B3GALT1: variants seen among roughly 807,000 people sequenced by gnomAD.
B3GALT1 encodes UDP-Gal:betaGlcNAc beta 1,3-galactosyltransferase, polypeptide 1.
In B3GALT1, 10 loss-of-function variants were observed where a neutral mutation model predicts 23.2. The ratio of observed to expected loss-of-function variants is 0.43; its 90% CI spans 0.27 to 0.73. B3GALT1 has a LOEUF of 0.73. B3GALT1 is among the 30% of genes least tolerant of loss of function. B3GALT1 has a pLI of 0.21. For missense variants in B3GALT1, 299 were observed against 405.4 expected (o/e 0.74, Z 2.25); for synonymous variants, 156 against 141.5 (o/e 1.10, Z -0.73).
intron 3 of B3GALT1, among the ~76,000 whole-genome samples, chr2:167,802,441 T>C (rs1048834864): frequency 2.6e-5 from 4 of 152,218 alleles, no homozygotes; most frequent in African/African-American, 4.8e-5. Flanking sequence ...AATATTTGAA[T>C]GCATGATTGT....
intron 3 of B3GALT1, among the ~76,000 whole-genome samples, chr2:167,782,453 G>A (rs147419432): frequency 1.6e-4 from 25 of 152,294 alleles, no homozygotes; most frequent in African/African-American, 6.0e-4. Context: ...AGAAATGTCA[G>A]CATCTGTCTG....
In B3GALT1 at chr2:167,779,150, T is replaced by TCTTCACCCATTCGTAGAATGTTACTA. The variant is rs58696482; in HGVS notation, c.-351-39521_-351-39520insTTCACCCATTCGTAGAATGTTACTAC. Among the ~76,000 whole-genome samples the TCTTCACCCATTCGTAGAATGTTACTA allele has an allele frequency of 4.6e-5, 7 of 152,028 alleles. No homozygotes were observed. The East Asian group carries it at 9.6e-4, about 21-fold the overall frequency. ...CATCTTTCTTTCATTCACTCACTTT[T>TCTTCACCCATTCGTAGAATGTTACTA]CATATATGCCAGATGTAAGTGAAGT... On this transcript the variant is annotated intron_variant, in intron 3 of 4. Transcript: ENST00000392690.
At chr2:167,633,858 A>G (rs2105449525) in intron 2 of B3GALT1, among the ~76,000 whole-genome samples, 1 of 152,292 alleles carries the variant, frequency 6.6e-6, no homozygotes, top group East Asian at 1.9e-4. Context: ...ATAGACATCT[A>G]CAGAACTCTC....
chr2:167,475,192 A>C (rs1388801024), intron 1 of B3GALT1, among the ~76,000 whole-genome samples: 1 of 152,096 alleles, frequency 6.6e-6, no homozygotes, highest in Non-Finnish European at 1.5e-5. Flanking sequence ...AACATGATGA[A>C]ATTTCATGCC....
At chr2:167,853,632 A>G (rs1016255496) in intron 4 of B3GALT1, among the ~76,000 whole-genome samples, 2 of 152,224 alleles carry the variant, frequency 1.3e-5, no homozygotes, top group Non-Finnish European at 1.5e-5. Flanking sequence ...AAACAAAAGC[A>G]TAGTGGTTTT....
At chr2:167,562,790 C>G (rs1684035139) in intron 2 of B3GALT1, among the ~76,000 whole-genome samples, 1 of 151,816 alleles carries the variant, frequency 6.6e-6, no homozygotes. Context: ...GGCAGAGGAC[C>G]CTGCGGCCTT....
chr2:167,670,917 T>C (rs556208422), intron 3 of B3GALT1, among the ~76,000 whole-genome samples: 138 of 151,998 alleles, frequency 9.1e-4, no homozygotes, highest in African/African-American at 3.2e-3. Context: ...AGCAAACCAA[T>C]ATACAAATTA....
intron 1 of B3GALT1, among the ~76,000 whole-genome samples, chr2:167,331,079 G>GGTGTT (rs1438801612): frequency 6.6e-6 from 1 of 151,998 alleles, no homozygotes; most frequent in Non-Finnish European, 1.5e-5. Flanking sequence ...AGTACAGTCT[G>GGTGTT]GTGTTATGAT....
chr2:167,833,112 G>C (rs1484906961), intron 4 of B3GALT1, among the ~76,000 whole-genome samples: 1 of 152,206 alleles, frequency 6.6e-6, no homozygotes, highest in African/African-American at 2.4e-5. Flanking sequence ...GAACATGCCT[G>C]TTTATCAGAG....
chr2:167,836,988 G>C (rs1251001058), intron 4 of B3GALT1, among the ~76,000 whole-genome samples: 1 of 152,162 alleles, frequency 6.6e-6, no homozygotes, highest in Non-Finnish European at 1.5e-5. Context: ...GAGAGATTTT[G>C]TCACCACCAG....
intron 3 of B3GALT1, among the ~76,000 whole-genome samples, chr2:167,721,754 A>G (rs1277537378): frequency 2.0e-5 from 3 of 152,206 alleles, no homozygotes; most frequent in South Asian, 2.1e-4. Context: ...AAGGAGAGCT[A>G]CCTAGGGCTC....
At chr2:167,738,566 T>C (rs1376768912) in intron 3 of B3GALT1, among the ~76,000 whole-genome samples, 4 of 152,220 alleles carry the variant, frequency 2.6e-5, no homozygotes, top group Admixed American at 6.5e-5. Flanking sequence ...TGTTTTTTCC[T>C]CTTTCAATCT....
At chr2:167,390,813 T>TGAAA (rs1698006712) in intron 1 of B3GALT1, among the ~76,000 whole-genome samples, 1 of 152,096 alleles carries the variant, frequency 6.6e-6, no homozygotes, top group African/African-American at 2.4e-5. Context: ...AATGAATGAA[T>TGAAA]GAGTCAATCA....
In B3GALT1 at chr2:167,873,094, C is replaced by T. The variant is rs892578561; in HGVS notation, c.*3074C>T. On this transcript the variant is annotated 3_prime_UTR_variant, in exon 5 of 5. Coordinates refer to ENST00000392690, the MANE Select transcript of B3GALT1 (RefSeq NM_020981.4). ...TCAATTACTGTTGAGCCATTCTTAT[C>T]ATTTCCCTGACATAAAATATGCAAT... The T allele has an allele frequency of 2.6e-5, 4 of 152,162 alleles. No individual in the cohort carries two copies. The East Asian group carries it at 5.8e-4, about 22-fold the overall frequency. 9.4% of individuals were successfully genotyped at this position (152,162 alleles called of 1,614,324 possible). A position where few individuals can be genotyped will look rare whatever the true frequency, so the allele number is the denominator to read the frequency against.
intron 2 of B3GALT1, among the ~76,000 whole-genome samples, chr2:167,608,752 T>C (rs1214991522): frequency 6.6e-6 from 1 of 152,182 alleles, no homozygotes; most frequent in Non-Finnish European, 1.5e-5. Context: ...ATCATACATT[T>C]GGAGGGTTAC....
chr2:167,363,788 T>C (rs73019770), intron 1 of B3GALT1, among the ~76,000 whole-genome samples: 2,460 of 152,266 alleles, frequency 0.016, 70 homozygotes, highest in African/African-American at 0.056. Flanking sequence ...CCCAACATCT[T>C]AGTAAGTAGC....
At chr2:167,857,046 A>T (rs1402956686) in intron 4 of B3GALT1, among the ~76,000 whole-genome samples, 17 of 152,150 alleles carry the variant, frequency 1.1e-4, no homozygotes, top group Admixed American at 1.1e-3. Flanking sequence ...TAAGGGGAAA[A>T]CATTTCCAAA....
chr2:167,333,339 G>C (rs971929467), intron 1 of B3GALT1, among the ~76,000 whole-genome samples: 15 of 152,186 alleles, frequency 9.9e-5, no homozygotes, highest in Non-Finnish European at 1.3e-4. Context: ...GCCGACAGGT[G>C]CCTTTGGAAG....
In B3GALT1 at chr2:167,647,729, C is replaced by A. The variant is rs573707986; in HGVS notation, c.-352+763C>A. On this transcript the variant is annotated intron_variant, in intron 3 of 4. Coordinates refer to ENST00000392690, the MANE Select transcript of B3GALT1 (RefSeq NM_020981.4). ...ATGCCACAGATCTAGTTCTTTTTCCCAGTCACTCAATTTTTTTATAGAGTT... is the reference window on the plus strand; with the variant it reads ...ATGCCACAGATCTAGTTCTTTTTCCAAGTCACTCAATTTTTTTATAGAGTT... Among the ~76,000 whole-genome samples, 11 of 152,122 alleles carry A rather than the reference C, an allele frequency of 7.2e-5. No homozygotes were observed. In the South Asian group the frequency reaches 1.2e-3, roughly 17 times the overall value.
Sources: allele counts gnomAD v4.1 joint callset (sites outside exome capture counted in the v4.1 genomes callset), GRCh38; gene constraint gnomAD v4.1.1; transcripts MANE v1.5; gene names NCBI Gene and HGNC (gene_info 2026-07-23, HGNC 2026-07-21).